Variants in ZDHHC13 observed in about 807,000 individuals in gnomAD.
ZDHHC13 encodes zDHHC palmitoyltransferase 13.
Under a neutral mutation model 86.0 loss-of-function variants are expected in ZDHHC13, and 85 were observed. The observed-to-expected ratio is 0.99, with a 90% CI of 0.83 to 1.18. The LOEUF (loss-of-function observed/expected upper bound fraction) is 1.18, where lower values mean the gene tolerates loss of function less well. Ranked by LOEUF, ZDHHC13 falls within the 50% of genes most tolerant of loss-of-function variation. ZDHHC13 has a pLI of 0.00. For missense variants in ZDHHC13, 711 were observed against 730.2 expected, an observed-to-expected ratio of 0.97 and a Z score of 0.30; for synonymous variants, 263 against 246.4, an observed-to-expected ratio of 1.07 and a Z score of -0.63.
chr11:19,117,127 C>A, upstream of ZDHHC13: 2 of 1,076,184 alleles, frequency 1.9e-6, no homozygotes, highest in Non-Finnish European at 2.7e-6. This position sits in a 1 kb window ranked among gnomAD's most constrained non-coding sequence, Gnocchi z 4.2. Flanking sequence ...CGAGCGGGGA[C>A]CGCAGCGGCG....
At chr11:19,122,309 AG>A (rs1848774271) in intron 1 of ZDHHC13, among the ~76,000 whole-genome samples, 1 of 152,114 alleles carries the variant, frequency 6.6e-6, no homozygotes, top group Non-Finnish European at 1.5e-5. Context: ...ATTTTTTCCA[AG>A]GGGGTACTGA....
chr11:19,145,066 G>A (rs1026342228), intron 2 of ZDHHC13, among the ~76,000 whole-genome samples: 11 of 151,384 alleles, frequency 7.3e-5, no homozygotes, highest in Admixed American at 5.9e-4. Flanking sequence ...CTGAGATTGC[G>A]CCACTGCACT....
chr11:19,153,615 C>A (rs1266629328), intron 8 of ZDHHC13, among the ~76,000 whole-genome samples: 1 of 152,108 alleles, frequency 6.6e-6, no homozygotes, highest in Non-Finnish European at 1.5e-5. Context: ...TAGGGTGCCC[C>A]AGGATTTTGT....
rs1370092065 is a variant in ZDHHC13, at chr11:19,164,292, G to A, written c.1234-9G>A. The A allele has an allele frequency of 6.2e-7, 1 of 1,612,650 alleles. No homozygotes were observed. The highest frequency in any genetic ancestry group is 1.1e-5 in the South Asian group (1 of 91,000). On this transcript the variant is annotated splice_polypyrimidine_tract_variant and intron_variant, in intron 11 of 16. Coordinates refer to ENST00000446113, the MANE Select transcript of ZDHHC13 (RefSeq NM_019028.3). ...AATGTGGTAATAGGTCAAACTTCAT[G>A]TCTTTCAGAATATCATCACCCTTGC...
intron 16 of ZDHHC13, among the ~76,000 whole-genome samples, chr11:19,174,608 T>G (rs1365451914): frequency 6.6e-6 from 1 of 152,218 alleles, no homozygotes. Context: ...ATAGAGCATA[T>G]GCGTAAAAAT....
intron 9 of ZDHHC13, among the ~76,000 whole-genome samples, chr11:19,158,372 G>A (rs1483857911): frequency 1.3e-5 from 2 of 152,106 alleles, no homozygotes; most frequent in East Asian, 3.9e-4. Context: ...TGACCCAAGT[G>A]AGATTGTTAG....
chr11:19,138,102 C>A (rs1386100868), intron 1 of ZDHHC13, among the ~76,000 whole-genome samples: 1 of 151,602 alleles, frequency 6.6e-6, no homozygotes, highest in Non-Finnish European at 1.5e-5. Flanking sequence ...AAAAACCCTT[C>A]AAAAAATTAA....
chr11:19,132,209 T>C (rs1188017588), intron 1 of ZDHHC13, among the ~76,000 whole-genome samples: 1 of 152,196 alleles, frequency 6.6e-6, no homozygotes, highest in Non-Finnish European at 1.5e-5. Flanking sequence ...TTAAAGACTA[T>C]TGGATATTGT....
At chr11:19,166,642 T>C (rs76370378) in intron 14 of ZDHHC13, 23,175 of 264,176 alleles carry the variant, frequency 0.088, 1,199 homozygotes, top group African/African-American at 0.15. Flanking sequence ...TTAAGGCAAG[T>C]GCAGATTTGC....
chr11:19,140,880 C>T (rs1202733562), intron 1 of ZDHHC13, among the ~76,000 whole-genome samples: 2 of 129,970 alleles, frequency 1.5e-5, no homozygotes, highest in African/African-American at 6.1e-5. Flanking sequence ...AACACATGGA[C>T]ACAGGAAGGG....
At chr11:19,149,560 T>G (rs1304627457) in intron 5 of ZDHHC13, among the ~76,000 whole-genome samples, 1 of 152,234 alleles carries the variant, frequency 6.6e-6, no homozygotes, top group East Asian at 1.9e-4. Context: ...CTGAAACTTG[T>G]AAGCTGGTAA....
intron 13 of ZDHHC13, among the ~76,000 whole-genome samples, 199 bp downstream of exon 13, chr11:19,165,344 C>G (rs1850032950): frequency 6.6e-6 from 1 of 152,140 alleles, no homozygotes; most frequent in Admixed American, 6.5e-5. Flanking sequence ...AGCCACAGGC[C>G]TGTGAAGTAG....
chr11:19,172,500 T>C (rs1039981615), intron 15 of ZDHHC13, among the ~76,000 whole-genome samples: 14 of 152,234 alleles, frequency 9.2e-5, no homozygotes, highest in African/African-American at 3.1e-4. Flanking sequence ...TTATGGTTTT[T>C]AATGATTTAA....
chr11:19,142,531 C>A (rs1421831980), intron 1 of ZDHHC13, among the ~76,000 whole-genome samples: 2 of 152,158 alleles, frequency 1.3e-5, no homozygotes. Flanking sequence ...TCCACCACAA[C>A]TCCAAAAAGT....
intron 1 of ZDHHC13, among the ~76,000 whole-genome samples, chr11:19,125,050 T>A (rs1038695349): frequency 6.6e-6 from 1 of 152,120 alleles, no homozygotes; most frequent in Non-Finnish European, 1.5e-5. Flanking sequence ...ACAGAGGAAT[T>A]GTGACCCCAA....
At chr11:19,169,428 A>G in intron 14 of ZDHHC13, 1 of 985,418 alleles carries the variant, frequency 1.0e-6, no homozygotes, top group Non-Finnish European at 1.2e-6. Context: ...GAGAAAAGAA[A>G]AGTAGATTTT....
intron 16 of ZDHHC13, among the ~76,000 whole-genome samples, chr11:19,173,592 T>C (rs938090168): frequency 2.2e-4 from 33 of 152,260 alleles, no homozygotes; most frequent in African/African-American, 7.0e-4. Flanking sequence ...GATCAGAGAC[T>C]GGGATATAAC....
intron 1 of ZDHHC13, among the ~76,000 whole-genome samples, chr11:19,136,178 A>C (rs918952340): frequency 1.4e-4 from 21 of 152,158 alleles, no homozygotes; most frequent in Non-Finnish European, 2.8e-4. Context: ...ACTTTGAAAA[A>C]AGTTTAGAAG....
chr11:19,133,909 C>T (rs1249871899), intron 1 of ZDHHC13, among the ~76,000 whole-genome samples: 12 of 46,532 alleles, frequency 2.6e-4, no homozygotes, highest in South Asian at 9.1e-4. Context: ...TTACTCTTTA[C>T]GAAAGAAGTC....
Sources: gnomAD v4.1 joint callset for allele counts (sites outside exome capture counted in the v4.1 genomes callset) on GRCh38, gnomAD v4.1.1 for gene constraint, Gnocchi (gnomAD v3.1) non-coding constraint, MANE v1.5 for transcripts, NCBI Gene and HGNC (gene_info 2026-07-23, HGNC 2026-07-21) for gene names.